The following TDRD5 variants were observed in gnomAD, a reference collection of about 807,000 sequenced individuals.
The protein encoded by TDRD5 is tudor domain-containing protein 5.
TDRD5 carries 41 observed loss-of-function variants against 120.6 expected under a neutral mutation model. The observed-to-expected ratio is 0.34, with a 90% CI of 0.26 to 0.44. The LOEUF (loss-of-function observed/expected upper bound fraction) is 0.44. TDRD5 is among the 20% of genes least tolerant of loss of function. The probability of loss-of-function intolerance (pLI) is 1.00; values close to 1 mark genes in which losing one functional copy is unlikely to be tolerated. For synonymous variants in TDRD5, 430 were observed against 433.7 expected (o/e 0.99, Z 0.11); for missense variants, 1,006 against 1,221.2 (o/e 0.82, Z 2.63).
chr1:179,654,855 G>T (rs983867683), intron 14 of TDRD5, among the ~76,000 whole-genome samples: 1 of 152,158 alleles, frequency 6.6e-6, no homozygotes, highest in Admixed American at 6.5e-5. Flanking sequence ...ATAAAAAAAG[G>T]TATCTGGCTT....
At chr1:179,680,406 G>C (rs897870426) in intron 17 of TDRD5, among the ~76,000 whole-genome samples, 1 of 152,108 alleles carries the variant, frequency 6.6e-6, no homozygotes, top group Non-Finnish European at 1.5e-5. Context: ...TAATATAGTT[G>C]TTGATTTGTC....
intron 4 of TDRD5, among the ~76,000 whole-genome samples, chr1:179,608,366 A>G (rs1300561816): frequency 1.3e-5 from 2 of 151,982 alleles, no homozygotes; most frequent in South Asian, 2.1e-4. Context: ...TTGTCTTCAA[A>G]TATTTTTCTC....
intron 14 of TDRD5, among the ~76,000 whole-genome samples, chr1:179,656,730 C>T (rs1314455439): frequency 6.6e-6 from 1 of 152,206 alleles, no homozygotes; most frequent in East Asian, 1.9e-4. Flanking sequence ...GTCTTGATTA[C>T]TGTAGACTTA....
chr1:179,659,416 G>A (rs1679165663), intron 14 of TDRD5, among the ~76,000 whole-genome samples: 1 of 151,944 alleles, frequency 6.6e-6, no homozygotes, highest in Non-Finnish European at 1.5e-5. Context: ...ATTGTTAGGT[G>A]TTATCCATTT....
intron 16 of TDRD5, among the ~76,000 whole-genome samples, chr1:179,665,861 C>T (rs1217066296): frequency 6.6e-6 from 1 of 152,002 alleles, no homozygotes; most frequent in African/African-American, 2.4e-5. Context: ...GTTGAATATC[C>T]CTTATTCAAA....
At chr1:179,655,550 G>C (rs1481921325) in intron 14 of TDRD5, among the ~76,000 whole-genome samples, 1 of 152,108 alleles carries the variant, frequency 6.6e-6, no homozygotes, top group Non-Finnish European at 1.5e-5. Flanking sequence ...CAATTGGGAT[G>C]CAGAACAGCT....
chr1:179,630,669 A>G, intron 6 of TDRD5, 98 bp from the exon 7 acceptor site: 1 of 1,265,948 alleles, frequency 7.9e-7, no homozygotes, highest in Non-Finnish European at 1.1e-6. Context: ...GAGTTCATTG[A>G]CCCTTTAAGA....
rs746944796 is a variant in TDRD5 at position 179,652,158 on chromosome 1, G to T, written c.2121G>T (p.Lys707Asn). 2.9e-5 allele frequency: 46 copies of T among 1,613,540 alleles called. No homozygotes were observed. The highest frequency in any genetic ancestry group is 3.6e-5 in the Non-Finnish European group (42 of 1,179,902). Residue 707 changes from lysine (K) to asparagine (N), a missense_variant, in exon 13 of 18, where the codon AAG becomes AAT. By Grantham distance (94) the Lys-to-Asn change is moderately conservative (BLOSUM62 0). This residue lies in a region of TDRD5 where 403 missense variants were observed against 448.1 expected (regional missense o/e 0.90). Transcript: ENST00000444136. ...SQQHYFNEDR[K>N]ISPQSKESEL... is the part of the protein sequence containing the mutation. The stretch of plus-strand genomic sequence containing the variant: ...AGCACTATTTTAATGAAGACCGAAA[G>T]ATAAGTCCACAGTCAAAAGAGAGTG...
At chr1:179,650,482 C>T (rs983564648) in intron 11 of TDRD5, among the ~76,000 whole-genome samples, 46 of 149,352 alleles carry the variant, frequency 3.1e-4, no homozygotes, top group African/African-American at 1.1e-3. Context: ...TCCCATTTTC[C>T]CTTCAATTTT....
chr1:179,593,392 CAGATACTA>C, intron 2 of TDRD5, 60 bp from the exon 3 acceptor site: 2 of 1,500,508 alleles, frequency 1.3e-6, no homozygotes, highest in Non-Finnish European at 1.8e-6. Flanking sequence ...TGTATAAACA[CAGATACTA>C]AGGATAAAGA....
At chr1:179,684,235 C>T (rs899823222) in intron 17 of TDRD5, among the ~76,000 whole-genome samples, 2 of 152,120 alleles carry the variant, frequency 1.3e-5, no homozygotes, top group African/African-American at 4.8e-5. Context: ...GTGTGATGTT[C>T]CCCATCCTGT....
intron 4 of TDRD5, among the ~76,000 whole-genome samples, chr1:179,609,710 G>A (rs1020355079): frequency 1.3e-5 from 2 of 152,150 alleles, no homozygotes; most frequent in Non-Finnish European, 2.9e-5. Context: ...TTGACTCAAT[G>A]TATTACGAAG....
At chr1:179,648,681 T>A (rs1219598645) in intron 11 of TDRD5, among the ~76,000 whole-genome samples, 1 of 151,994 alleles carries the variant, frequency 6.6e-6, no homozygotes, top group Admixed American at 6.6e-5. Flanking sequence ...TTCTGGAGTT[T>A]TTTAGTCAAA....
chr1:179,651,185 A>G (rs1214798162), intron 12 of TDRD5, 118 bp downstream of exon 12: 35 of 1,133,522 alleles, frequency 3.1e-5, no homozygotes, highest in Non-Finnish European at 4.9e-6. Flanking sequence ...AGAGACATCC[A>G]CGAGATTCCT....
At position 179,618,662 on chromosome 1, in the gene TDRD5, C is replaced by G; in HGVS notation, c.895C>G (p.Leu299Val). The G allele has an allele frequency of 6.3e-7, 1 of 1,589,566 alleles. No homozygotes were observed. Among genetic ancestry groups the G allele is most frequent in the Non-Finnish European group, 8.5e-7 (1 of 1,170,496 alleles). Residue 299 changes from leucine (L) to valine (V), a missense_variant, in exon 5 of 18, where the codon CTA becomes GTA. Leu to Val is a conservative substitution (Grantham distance 32, BLOSUM62 1). This residue lies in a region of TDRD5 where 445 missense variants were observed against 515.5 expected (regional missense o/e 0.86). Transcript: ENST00000444136. ...IGPGGTISSELKHKIKFVVSK... is the reference protein window; with the variant it reads ...IGPGGTISSEVKHKIKFVVSK... ...ACCTGGAGGAACTATCAGTTCAGAA[C>G]TAAAACATAAGATAAAATTTGTAAG...
chr1:179,624,862 A>G (rs1001476849), intron 6 of TDRD5, among the ~76,000 whole-genome samples: 1 of 152,166 alleles, frequency 6.6e-6, no homozygotes, highest in Non-Finnish European at 1.5e-5. Context: ...CTTGCGGGCT[A>G]TTCGTAGATA....
intron 17 of TDRD5, among the ~76,000 whole-genome samples, chr1:179,677,270 G>T (rs1206457868): frequency 2.0e-5 from 3 of 151,784 alleles, no homozygotes; most frequent in African/African-American, 4.8e-5. Flanking sequence ...TCATGTTTTT[G>T]ATTTCTTTAA....
chr1:179,690,281 C>A (rs1034845615), intron 17 of TDRD5, among the ~76,000 whole-genome samples: 6 of 152,148 alleles, frequency 3.9e-5, no homozygotes, highest in Non-Finnish European at 8.8e-5. Flanking sequence ...TTTACCCTGG[C>A]ACAGACTTGG....
chr1:179,663,314 A>G (rs1679403244), intron 15 of TDRD5, 34 bp from the exon 16 acceptor site: 1 of 1,585,194 alleles, frequency 6.3e-7, no homozygotes. Flanking sequence ...GTTGCACTTT[A>G]TCTCAGTCTG....
Sources: gnomAD v4.1 joint callset for allele counts (sites outside exome capture counted in the v4.1 genomes callset) on GRCh38, gnomAD v4.1.1 for gene constraint, gnomAD v4.1.1 regional missense constraint, MANE v1.5 for transcripts, NCBI Gene and HGNC (gene_info 2026-07-23, HGNC 2026-07-21) for gene names.